The following NPAS3 variants were observed in gnomAD, a reference collection of about 807,000 sequenced individuals.
NPAS3 encodes the protein neuronal PAS domain protein 3, also known as neuronal PAS domain-containing protein 3.
A neutral mutation model predicts 73.1 loss-of-function variants in NPAS3; 14 were observed. The ratio of observed to expected loss-of-function variants is 0.19; its 90% CI spans 0.13 to 0.30. The LOEUF (loss-of-function observed/expected upper bound fraction) is 0.30, where lower values mean the gene tolerates loss of function less well. NPAS3 is among the 10% of genes least tolerant of loss of function. NPAS3 has a pLI of 1.00. For missense variants in NPAS3, 1,096 were observed against 1,250.0 expected (o/e 0.88, Z 1.86); for synonymous variants, 620 against 541.5 (o/e 1.14, Z -2.01).
intron 1 of NPAS3, among the ~76,000 whole-genome samples, chr14:33,034,261 T>C (rs2040090481): frequency 6.6e-6 from 1 of 151,978 alleles, no homozygotes; most frequent in Non-Finnish European, 1.5e-5. Flanking sequence ...ATTAATAGTT[T>C]AAATTTATAA....
At chr14:33,581,567 C>T (rs1225329914) in intron 5 of NPAS3, among the ~76,000 whole-genome samples, 3 of 152,028 alleles carry the variant, frequency 2.0e-5, no homozygotes, top group Non-Finnish European at 4.4e-5. Flanking sequence ...ATTTAAAATA[C>T]TATGGGCGTT....
chr14:33,403,433 T>C (rs949209285), intron 4 of NPAS3, among the ~76,000 whole-genome samples: 2 of 152,116 alleles, frequency 1.3e-5, no homozygotes, highest in Non-Finnish European at 2.9e-5. Context: ...GATTATAAAA[T>C]GTTTAGTGAG....
chr14:33,086,393 A>G (rs564696155), intron 2 of NPAS3, among the ~76,000 whole-genome samples: 41 of 152,130 alleles, frequency 2.7e-4, no homozygotes, highest in Non-Finnish European at 6.0e-4. Context: ...TTATTTATAT[A>G]AGATTATTTG....
intron 4 of NPAS3, among the ~76,000 whole-genome samples, chr14:33,373,315 G>T (rs1291754616): frequency 1.3e-5 from 2 of 151,924 alleles, no homozygotes. Flanking sequence ...TGTTAAACAA[G>T]TTAAACCTAG....
intron 4 of NPAS3, among the ~76,000 whole-genome samples, chr14:33,391,953 T>G (rs1044807104): frequency 6.6e-6 from 1 of 152,208 alleles, no homozygotes; most frequent in African/African-American, 2.4e-5. Context: ...ATAATCCCCT[T>G]ACTGAATAAA....
At chr14:33,375,706 T>G (rs957214637) in intron 4 of NPAS3, among the ~76,000 whole-genome samples, 15 of 152,174 alleles carry the variant, frequency 9.9e-5, no homozygotes, top group African/African-American at 3.6e-4. Context: ...AAATAAGATA[T>G]CAGCATTGGC....
intron 1 of NPAS3, among the ~76,000 whole-genome samples, chr14:33,014,576 A>T (rs368589891): frequency 6.6e-6 from 1 of 152,354 alleles, no homozygotes; most frequent in East Asian, 1.9e-4. Flanking sequence ...ATGACACATA[A>T]TGAAAACTTA....
intron 4 of NPAS3, among the ~76,000 whole-genome samples, chr14:33,500,130 G>T (rs1421495869): frequency 6.6e-6 from 1 of 151,824 alleles, no homozygotes; most frequent in African/African-American, 2.4e-5. Flanking sequence ...TAACCATTTG[G>T]TGTCCAGCAA....
At chr14:33,741,016 A>T (rs1261365911) in intron 7 of NPAS3, among the ~76,000 whole-genome samples, 1 of 152,124 alleles carries the variant, frequency 6.6e-6, no homozygotes, top group Non-Finnish European at 1.5e-5. Context: ...TATAGCCTGG[A>T]GGTATGCCCA....
intron 1 of NPAS3, among the ~76,000 whole-genome samples, chr14:33,022,973 T>A (rs901389748): frequency 1.3e-5 from 2 of 152,094 alleles, no homozygotes; most frequent in Non-Finnish European, 2.9e-5. Flanking sequence ...TCCCCTTAAA[T>A]TTTTAATCTA....
intron 1 of NPAS3, among the ~76,000 whole-genome samples, chr14:32,967,772 G>C (rs576634828): frequency 2.3e-5 from 1 of 44,306 alleles, no homozygotes; most frequent in African/African-American, 6.0e-5. Context: ...AACAGCATGT[G>C]GGGGGGGGTC....
chr14:32,963,818 T>C (rs945074603), intron 1 of NPAS3, among the ~76,000 whole-genome samples: 6 of 152,160 alleles, frequency 3.9e-5, no homozygotes, highest in Non-Finnish European at 8.8e-5. Context: ...AAGTAGCAAG[T>C]AATATGATAA....
chr14:33,400,781 A>AGTG (rs1277545966), intron 4 of NPAS3, among the ~76,000 whole-genome samples: 6 of 151,910 alleles, frequency 3.9e-5, no homozygotes, highest in East Asian at 1.9e-4. Context: ...GCGTGGTGGC[A>AGTG]GTGGTGGTGG....
chr14:33,345,469 A>G (rs1463419046), intron 3 of NPAS3, among the ~76,000 whole-genome samples: 1 of 152,248 alleles, frequency 6.6e-6, no homozygotes, highest in Non-Finnish European at 1.5e-5. Flanking sequence ...AGGAGTCTTC[A>G]GTGAAAATTG....
rs188529968 is a variant in NPAS3 at position 33,101,116 on chromosome 14, A to G, written c.140+45122A>G. On this transcript the variant is annotated intron_variant, in intron 2 of 11. Coordinates refer to ENST00000356141, the Ensembl canonical transcript of NPAS3. ...AGACCCTAGATGGATTTCCCCAGAC[A>G]TACCATCACCGCCCTGCCCCCCACA... 1.5e-4 allele frequency among the ~76,000 whole-genome samples: 23 copies of G among 152,212 alleles called. 1 individual carries two copies. The East Asian group carries it at 4.4e-3, about 29-fold the overall frequency.
chr14:33,600,809 T>C (rs1025749802), intron 5 of NPAS3, among the ~76,000 whole-genome samples: 3 of 152,186 alleles, frequency 2.0e-5, no homozygotes, highest in African/African-American at 7.2e-5. Context: ...ACACCAAAGA[T>C]ACACTTTAGA....
At chr14:32,965,082 C>A (rs1299690734) in intron 1 of NPAS3, among the ~76,000 whole-genome samples, 1 of 152,100 alleles carries the variant, frequency 6.6e-6, no homozygotes, top group African/African-American at 2.4e-5. Context: ...TAAAAGTCTC[C>A]CAGCAAAGAA....
chr14:33,237,672 T>A (rs1262217195), intron 3 of NPAS3, among the ~76,000 whole-genome samples: 2 of 152,046 alleles, frequency 1.3e-5, no homozygotes, highest in Admixed American at 1.3e-4. Flanking sequence ...GGGTAGTATA[T>A]AAAGTTCAAT....
intron 6 of NPAS3, among the ~76,000 whole-genome samples, chr14:33,707,818 C>T (rs944259278): frequency 5.3e-5 from 8 of 152,106 alleles, no homozygotes; most frequent in African/African-American, 1.4e-4. Context: ...GTCAGGGTGT[C>T]GGGAGAAGCT....
Sources: gnomAD v4.1 joint callset for allele counts (sites outside exome capture counted in the v4.1 genomes callset) on GRCh38, gnomAD v4.1.1 for gene constraint, MANE v1.5 for transcripts, NCBI Gene and HGNC (gene_info 2026-07-23, HGNC 2026-07-21) for gene names.